Variants in HTR1F observed in about 807,000 individuals in gnomAD.
HTR1F encodes the protein 5-hydroxytryptamine receptor 1F, also known as 5-hydroxytryptamine (serotonin) receptor 1F, G protein-coupled.
A neutral mutation model predicts 24.0 loss-of-function variants in HTR1F; 17 were observed. That is an observed-to-expected ratio of 0.71 (90% confidence interval 0.48 to 1.06). The LOEUF (loss-of-function observed/expected upper bound fraction) is 1.06. Ranked by LOEUF, HTR1F falls within the 50% of genes least tolerant of loss-of-function variation. HTR1F has a pLI of 0.00. For synonymous variants in HTR1F, 186 were observed against 156.8 expected (o/e 1.19, Z -1.39); for missense variants, 391 against 427.8 (o/e 0.91, Z 0.76).
At chr3:87,831,158 ATATTCT>A (rs1303907073) in intron 2 of HTR1F, among the ~76,000 whole-genome samples, 1 of 151,844 alleles carries the variant, frequency 6.6e-6, no homozygotes, top group East Asian at 1.9e-4. Flanking sequence ...AACTCTTGAA[ATATTCT>A]TATATATATG....
rs547369774 is a variant in HTR1F, at chr3:87,823,605, C to T, written c.-43+1481C>T. Among the ~76,000 whole-genome samples, 7 of 151,562 alleles carry T rather than the reference C, an allele frequency of 4.6e-5. No individual in the cohort carries two copies. The South Asian group carries it at 1.2e-3, about 27-fold the overall frequency. ...TCACAGCTCATTGCAGCTTCCACCT[C>T]CCAGGATCAAGTGATCCTCCCACCT... On this transcript the variant is annotated intron_variant, in intron 2 of 2. Coordinates refer to ENST00000319595, the MANE Select transcript of HTR1F (RefSeq NM_001322209.2).
chr3:87,908,805 T>G (rs1184827776), intron 2 of HTR1F, among the ~76,000 whole-genome samples: 2 of 152,120 alleles, frequency 1.3e-5, no homozygotes, highest in African/African-American at 4.8e-5. Flanking sequence ...TTGCTATTTC[T>G]CAGTGAAAGT....
chr3:87,902,844 C>T (rs1395403746), intron 2 of HTR1F, among the ~76,000 whole-genome samples: 7 of 147,614 alleles, frequency 4.7e-5, no homozygotes, highest in Admixed American at 7.0e-5. Context: ...TGAGAATATG[C>T]GGTGTTTGGT....
intron 2 of HTR1F, among the ~76,000 whole-genome samples, chr3:87,984,144 A>G (rs1191334684): frequency 6.6e-6 from 1 of 152,180 alleles, no homozygotes; most frequent in Non-Finnish European, 1.5e-5. Flanking sequence ...CACATGTCTG[A>G]TGCATCCTGC....
intron 2 of HTR1F, among the ~76,000 whole-genome samples, chr3:87,929,117 C>T (rs1326194628): frequency 1.3e-5 from 2 of 152,162 alleles, no homozygotes; most frequent in Admixed American, 6.6e-5. Context: ...CAGGAATTAG[C>T]TATTGTCTGG....
chr3:87,932,266 T>C (rs1704295377), intron 2 of HTR1F, among the ~76,000 whole-genome samples: 1 of 152,324 alleles, frequency 6.6e-6, no homozygotes, highest in East Asian at 1.9e-4. Flanking sequence ...TACATATGGC[T>C]AGCCAGTTTT....
chr3:87,944,587 G>A (rs1363232501), intron 2 of HTR1F, among the ~76,000 whole-genome samples: 4 of 152,230 alleles, frequency 2.6e-5, no homozygotes, highest in South Asian at 2.1e-4. Flanking sequence ...CCCCTGTTAG[G>A]AAATCTGCTG....
At chr3:87,903,230 C>G (rs558192997) in intron 2 of HTR1F, among the ~76,000 whole-genome samples, 1 of 150,360 alleles carries the variant, frequency 6.7e-6, no homozygotes, top group East Asian at 2.0e-4. Context: ...GACTTCATGT[C>G]TAAAACACCA....
rs549952732 is a variant in HTR1F, at chr3:87,925,980, A to G, written c.-42-64728A>G. ...TTGTTTTTGTCATTTCTTAGTGAAG[A>G]AAGATGAGCACTGGACACCTCCAAT... On this transcript the variant is annotated intron_variant, in intron 2 of 2. Transcript: ENST00000319595. Among the ~76,000 whole-genome samples, 79 of 152,312 alleles carry G rather than the reference A, an allele frequency of 5.2e-4. 1 individual carries two copies. The highest frequency in any genetic ancestry group is 1.8e-3 in the African/African-American group (74 of 41,592).
intron 1 of HTR1F, among the ~76,000 whole-genome samples, chr3:87,813,814 T>C (rs1425745940): frequency 2.0e-5 from 3 of 152,200 alleles, no homozygotes; most frequent in African/African-American, 7.2e-5. Context: ...CTCCTTCATA[T>C]GCTCTCTCGC....
chr3:87,989,332 C>T (rs1053019630), intron 2 of HTR1F, among the ~76,000 whole-genome samples: 2 of 152,118 alleles, frequency 1.3e-5, no homozygotes, highest in African/African-American at 4.8e-5. Context: ...AGAGTGAGTG[C>T]CATTAGGGGC....
At chr3:87,953,317 T>C (rs1196085644) in intron 2 of HTR1F, among the ~76,000 whole-genome samples, 1 of 149,910 alleles carries the variant, frequency 6.7e-6, no homozygotes, top group African/African-American at 2.5e-5. Context: ...GACAAGAGAT[T>C]AATACCAGAA....
At chr3:87,917,155 TCAAAC>T (rs1199912916) in intron 2 of HTR1F, among the ~76,000 whole-genome samples, 1 of 151,798 alleles carries the variant, frequency 6.6e-6, no homozygotes, top group Non-Finnish European at 1.5e-5. Flanking sequence ...AAAAAATTCT[TCAAAC>T]CAAATGAAAG....
chr3:87,972,963 G>T (rs1458571022), intron 2 of HTR1F, among the ~76,000 whole-genome samples: 1 of 149,298 alleles, frequency 6.7e-6, no homozygotes, highest in Non-Finnish European at 1.5e-5. Context: ...CTGAGGTTAG[G>T]AGTTCAAGAC....
At chr3:87,987,761 T>C (rs1257214933) in intron 2 of HTR1F, among the ~76,000 whole-genome samples, 1 of 133,076 alleles carries the variant, frequency 7.5e-6, no homozygotes, top group East Asian at 2.0e-4. Flanking sequence ...ATGTATTATA[T>C]ATATGTATTT....
chr3:87,903,628 G>C (rs1219746152), intron 2 of HTR1F, among the ~76,000 whole-genome samples: 1 of 151,558 alleles, frequency 6.6e-6, no homozygotes, highest in East Asian at 1.9e-4. Flanking sequence ...GGAAACAACA[G>C]GTGCTGGAGA....
chr3:87,848,238 G>A (rs1313053589), intron 2 of HTR1F, among the ~76,000 whole-genome samples: 1 of 151,804 alleles, frequency 6.6e-6, no homozygotes, highest in East Asian at 1.9e-4. Context: ...GCTCATTGCG[G>A]TTTTGATTTG....
At chr3:87,969,051 T>A (rs116643716) in intron 2 of HTR1F, among the ~76,000 whole-genome samples, 3,341 of 152,354 alleles carry the variant, frequency 0.022, 59 homozygotes, top group South Asian at 0.031. Flanking sequence ...AAATTGAGGT[T>A]TGGAAACCTC....
chr3:87,980,048 CTG>C (rs1705508445), intron 2 of HTR1F, among the ~76,000 whole-genome samples: 1 of 152,212 alleles, frequency 6.6e-6, no homozygotes, highest in Non-Finnish European at 1.5e-5. Context: ...ATTGCCCACA[CTG>C]TGGCAAGCAG....
Sources: gnomAD v4.1 joint callset for allele counts (sites outside exome capture counted in the v4.1 genomes callset) on GRCh38, gnomAD v4.1.1 for gene constraint, MANE v1.5 for transcripts, NCBI Gene and HGNC (gene_info 2026-07-23, HGNC 2026-07-21) for gene names.